The following PDZRN4 variants were observed in gnomAD, a reference collection of about 807,000 sequenced individuals.
The protein encoded by PDZRN4 is PDZ domain-containing RING finger protein 4.
Under a neutral mutation model 99.0 loss-of-function variants are expected in PDZRN4, and 70 were observed. That is an observed-to-expected ratio of 0.71 (90% CI 0.58 to 0.86). PDZRN4 has a LOEUF of 0.86. PDZRN4 is among the 40% of genes least tolerant of loss of function. The pLI is 0.00. For missense variants in PDZRN4, 1,474 were observed against 1,331.2 expected (o/e 1.11, Z -1.67); for synonymous variants, 551 against 501.6 (o/e 1.10, Z -1.32).
intron 3 of PDZRN4, among the ~76,000 whole-genome samples, chr12:41,391,526 G>A (rs1952211468): frequency 6.6e-6 from 1 of 152,168 alleles, no homozygotes; most frequent in Non-Finnish European, 1.5e-5. Flanking sequence ...ACTGAGAAGA[G>A]CTTGAGCCAC....
At chr12:41,325,680 T>C (rs935842789) in intron 3 of PDZRN4, among the ~76,000 whole-genome samples, 9 of 152,092 alleles carry the variant, frequency 5.9e-5, no homozygotes. Flanking sequence ...TACTAGAGAG[T>C]TTAACTATTG....
intron 3 of PDZRN4, 54 bp from the exon 4 acceptor site, chr12:41,506,402 G>T: frequency 2.0e-6 from 3 of 1,509,422 alleles, no homozygotes; most frequent in Non-Finnish European, 9.0e-7. Flanking sequence ...AATCTATCAT[G>T]ACAGCCTCTC....
chr12:41,271,454 G>A (rs1326976337), intron 3 of PDZRN4, among the ~76,000 whole-genome samples: 1 of 151,900 alleles, frequency 6.6e-6, no homozygotes, highest in Non-Finnish European at 1.5e-5. Flanking sequence ...TTCTTCCCTG[G>A]GTTTTGCATA....
chr12:41,261,893 A>T (rs183847709), intron 3 of PDZRN4, among the ~76,000 whole-genome samples: 2,530 of 152,324 alleles, frequency 0.017, 30 homozygotes, highest in Non-Finnish European at 0.028. Flanking sequence ...ACGCATTCTT[A>T]TGCTGGCAGA....
intron 3 of PDZRN4, among the ~76,000 whole-genome samples, chr12:41,375,671 T>C (rs1024637806): frequency 2.0e-5 from 3 of 152,310 alleles, no homozygotes; most frequent in East Asian, 3.9e-4. Flanking sequence ...GATATACCTA[T>C]ATATTATGAA....
At chr12:41,245,636 A>T (rs1347800521) in intron 3 of PDZRN4, among the ~76,000 whole-genome samples, 1 of 152,166 alleles carries the variant, frequency 6.6e-6, no homozygotes, top group Non-Finnish European at 1.5e-5. Context: ...GAATATAGGG[A>T]TTCATTCTTT....
At chr12:41,465,444 G>T (rs925191223) in intron 3 of PDZRN4, among the ~76,000 whole-genome samples, 3 of 152,030 alleles carry the variant, frequency 2.0e-5, no homozygotes, top group Admixed American at 1.3e-4. Context: ...AAGAAAATAT[G>T]CATGTTTCTG....
intron 3 of PDZRN4, among the ~76,000 whole-genome samples, chr12:41,247,220 G>T (rs551461737): frequency 6.6e-6 from 1 of 152,116 alleles, no homozygotes; most frequent in Non-Finnish European, 1.5e-5. Context: ...TATCACAGCT[G>T]GTTGAGAAGA....
chr12:41,362,522 G>C (rs180740367), intron 3 of PDZRN4, among the ~76,000 whole-genome samples: 1 of 152,038 alleles, frequency 6.6e-6, no homozygotes, highest in South Asian at 2.1e-4. Context: ...CTTTAGGGAA[G>C]TAAAGTCTTA....
intron 3 of PDZRN4, among the ~76,000 whole-genome samples, chr12:41,316,178 T>TAGTG (rs1951636664): frequency 6.6e-6 from 1 of 152,152 alleles, no homozygotes; most frequent in Non-Finnish European, 1.5e-5. Flanking sequence ...TATTCGTACC[T>TAGTG]AGTGATCATA....
rs568067512 is a variant in PDZRN4, at chr12:41,277,202, C to T, written c.843+83014C>T. Reference sequence around the variant, plus strand: ...AATGAGCGTGCACAGGAATTTTAAACATTCCATACATGAACCAGCAGATGG... The same window carrying T: ...AATGAGCGTGCACAGGAATTTTAAATATTCCATACATGAACCAGCAGATGG... On this transcript the variant is annotated intron_variant, in intron 3 of 9. Transcript: ENST00000402685. Among the ~76,000 whole-genome samples the T allele has an allele frequency of 3.3e-4, 50 of 152,272 alleles. 1 individual carries two copies. Among genetic ancestry groups the T allele is most frequent in the Non-Finnish European group, 3.1e-4 (21 of 68,018 alleles).
intron 5 of PDZRN4, among the ~76,000 whole-genome samples, chr12:41,531,392 A>G (rs1401299295): frequency 6.6e-6 from 1 of 152,090 alleles, no homozygotes; most frequent in Non-Finnish European, 1.5e-5. Flanking sequence ...CTCCAAGTCC[A>G]GCTGCTTGTG....
intron 3 of PDZRN4, 72 bp downstream of exon 3, chr12:41,194,260 C>A: frequency 1.3e-6 from 1 of 756,970 alleles, no homozygotes; most frequent in South Asian, 1.5e-5. Context: ...TCAAATTTAC[C>A]ACTTTACCTT....
At chr12:41,425,871 T>C (rs1430694250) in intron 3 of PDZRN4, among the ~76,000 whole-genome samples, 1 of 152,080 alleles carries the variant, frequency 6.6e-6, no homozygotes, top group Non-Finnish European at 1.5e-5. Context: ...CAAGCAAAAA[T>C]ATAAATCCAT....
At chr12:41,504,611 C>T (rs1938172675) in intron 3 of PDZRN4, among the ~76,000 whole-genome samples, 1 of 152,122 alleles carries the variant, frequency 6.6e-6, no homozygotes, top group South Asian at 2.1e-4. Flanking sequence ...CTGCTGTCTA[C>T]ATGTCCTCAG....
intron 3 of PDZRN4, among the ~76,000 whole-genome samples, chr12:41,432,068 A>C (rs960220937): frequency 6.6e-6 from 1 of 152,208 alleles, no homozygotes; most frequent in South Asian, 2.1e-4. Context: ...AACTACAAAA[A>C]TCTGGCATTC....
chr12:41,477,282 C>T (rs1937612479), intron 3 of PDZRN4, among the ~76,000 whole-genome samples: 1 of 152,184 alleles, frequency 6.6e-6, no homozygotes, highest in Admixed American at 6.5e-5. Flanking sequence ...CTCCATTTTT[C>T]AATTTGACCA....
At chr12:41,477,151 A>T (rs924476979) in intron 3 of PDZRN4, among the ~76,000 whole-genome samples, 1 of 152,144 alleles carries the variant, frequency 6.6e-6, no homozygotes, top group African/African-American at 2.4e-5. Context: ...CATGCAGGGG[A>T]TCTGTTTGCA....
intron 3 of PDZRN4, among the ~76,000 whole-genome samples, chr12:41,249,672 A>G (rs1341652011): frequency 6.6e-6 from 1 of 152,218 alleles, no homozygotes; most frequent in Non-Finnish European, 1.5e-5. Context: ...TGGATTTATC[A>G]TCATCCAAGA....
Sources: gnomAD v4.1 joint callset for allele counts (sites outside exome capture counted in the v4.1 genomes callset) on GRCh38, gnomAD v4.1.1 for gene constraint, MANE v1.5 for transcripts, NCBI Gene and HGNC (gene_info 2026-07-23, HGNC 2026-07-21) for gene names.